Variants in KAZN observed in about 807,000 individuals in gnomAD.
KAZN encodes kazrin, periplakin interacting protein.
A neutral mutation model predicts 87.4 loss-of-function variants in KAZN; 40 were observed. The ratio of observed to expected loss-of-function variants is 0.46; its 90% CI spans 0.36 to 0.60. The LOEUF is 0.60. Among genes scored for constraint, KAZN ranks in the 20% least tolerant of loss-of-function variants. The pLI, the probability that KAZN is intolerant of heterozygous loss-of-function variation, is 0.00. For missense variants in KAZN, 898 were observed against 1,073.9 expected, an observed-to-expected ratio of 0.84 and a Z score of 2.29; for synonymous variants, 466 against 458.3, an observed-to-expected ratio of 1.02 and a Z score of -0.22.
At chr1:14,635,077 C>T (rs913567931) in intron 1 of KAZN, among the ~76,000 whole-genome samples, 26 of 152,148 alleles carry the variant, frequency 1.7e-4, no homozygotes, top group African/African-American at 6.3e-4. Context: ...GCAGGAAGGG[C>T]ATCAGGGGGT....
intron 1 of KAZN, among the ~76,000 whole-genome samples, chr1:13,977,994 G>A (rs1054255533): frequency 6.6e-6 from 1 of 152,048 alleles, no homozygotes; most frequent in Non-Finnish European, 1.5e-5. Flanking sequence ...CAGGCCTGGC[G>A]GTGTGCGCCT....
At chr1:14,100,869 CT>C (rs1644234460) in intron 1 of KAZN, among the ~76,000 whole-genome samples, 1 of 152,116 alleles carries the variant, frequency 6.6e-6, no homozygotes, top group African/African-American at 2.4e-5. Flanking sequence ...TGGGATGGGT[CT>C]TTCCCGTGCT....
intron 1 of KAZN, among the ~76,000 whole-genome samples, chr1:14,892,708 G>C (rs1654845049): frequency 6.6e-6 from 1 of 152,198 alleles, no homozygotes; most frequent in Non-Finnish European, 1.5e-5. Flanking sequence ...AGGGGTGTGT[G>C]TTCATGTCCT....
chr1:14,679,463 T>G (rs1640437647), intron 1 of KAZN, among the ~76,000 whole-genome samples: 1 of 152,056 alleles, frequency 6.6e-6, no homozygotes, highest in South Asian at 2.1e-4. Context: ...GACAGTTTGA[T>G]AAAGGCAGTG....
At chr1:14,450,295 CAG>C (rs1382148388) in intron 2 of KAZN, among the ~76,000 whole-genome samples, 2 of 152,170 alleles carry the variant, frequency 1.3e-5, no homozygotes, top group East Asian at 3.9e-4. Flanking sequence ...CTGATATAAA[CAG>C]AGCTGCTGTG....
At chr1:14,673,242 CT>C (rs1450651584) in intron 1 of KAZN, among the ~76,000 whole-genome samples, 1 of 152,228 alleles carries the variant, frequency 6.6e-6, no homozygotes, top group African/African-American at 2.4e-5. Context: ...ACCAGCCCCC[CT>C]CTTCCAGTCC....
At chr1:14,555,264 A>T (rs1158570779) in intron 2 of KAZN, among the ~76,000 whole-genome samples, 3 of 152,236 alleles carry the variant, frequency 2.0e-5, no homozygotes, top group African/African-American at 7.2e-5. Flanking sequence ...CTTGATGCCT[A>T]CAGATTTTAG....
In KAZN at chr1:15,104,192, G is replaced by A; in HGVS notation, c.2048+3G>A. ...AGCGCCGTCTTCCACCCAGCCAAGT[G>A]AGCACGGGCTGGGATCCAGTCATGT... On this transcript the variant is annotated splice_donor_region_variant and intron_variant, in intron 13 of 14. Transcript: ENST00000376030. The A allele has an allele frequency of 6.4e-7, 1 of 1,571,758 alleles. No homozygotes were observed. The highest frequency in any genetic ancestry group is 8.6e-7 in the Non-Finnish European group (1 of 1,158,866).
intron 2 of KAZN, among the ~76,000 whole-genome samples, chr1:14,457,825 T>G (rs542347346): frequency 0.039 from 5,292 of 136,648 alleles, 364 homozygotes; most frequent in African/African-American, 0.15. Flanking sequence ...TTTTGTTTTG[T>G]TTTTTTTTTT....
At chr1:15,012,817 G>A (rs1669709732) in intron 2 of KAZN, among the ~76,000 whole-genome samples, 1 of 152,266 alleles carries the variant, frequency 6.6e-6, no homozygotes, top group South Asian at 2.1e-4. Context: ...AGCTACTCAG[G>A]AGGCAGAGGT....
chr1:14,190,767 T>C (rs572546796), intron 2 of KAZN, among the ~76,000 whole-genome samples: 44 of 152,228 alleles, frequency 2.9e-4, no homozygotes, highest in African/African-American at 1.1e-3. Context: ...ACTAGCCAGC[T>C]CCCAGCAAAC....
Position 14,652,626 on chromosome 1 carries a change from C to T in KAZN, c.226+53403C>T, listed in dbSNP as rs1022300327. The stretch of plus-strand genomic sequence containing the variant: ...CCACTCATGCACCCACTCATCCACC[C>T]ATCCACCCACCCATCCATCCACCCA... On this transcript the variant is annotated intron_variant, in intron 1 of 14. Transcript: ENST00000376030. Among the ~76,000 whole-genome samples the T allele has an allele frequency of 2.2e-5, 3 of 138,038 alleles. No individual in the cohort carries two copies. The South Asian group carries it at 7.4e-4, about 34-fold the overall frequency. The allele number at this position is 138,038 out of a possible 152,430, so 90.6% of individuals were successfully genotyped here.
intron 2 of KAZN, among the ~76,000 whole-genome samples, chr1:14,509,784 C>T (rs768010826): frequency 6.6e-6 from 1 of 152,064 alleles, no homozygotes; most frequent in Non-Finnish European, 1.5e-5. Flanking sequence ...GAAAACAAAA[C>T]AGAGTGATGC....
intron 2 of KAZN, among the ~76,000 whole-genome samples, chr1:14,272,505 T>C (rs1652027193): frequency 6.6e-6 from 1 of 152,228 alleles, no homozygotes; most frequent in Admixed American, 6.5e-5. Flanking sequence ...ATGTTTTGCA[T>C]GCATGTTAGT....
chr1:14,491,270 C>T (rs1021416156), intron 2 of KAZN, among the ~76,000 whole-genome samples: 33 of 152,140 alleles, frequency 2.2e-4, no homozygotes, highest in Admixed American at 5.9e-4. Context: ...CTTTATTAAA[C>T]CTCATGAACT....
chr1:14,981,700 C>T (rs1666267188), intron 2 of KAZN, among the ~76,000 whole-genome samples: 1 of 152,234 alleles, frequency 6.6e-6, no homozygotes, highest in East Asian at 1.9e-4. Context: ...ACCTATCAGG[C>T]ACTTTTGGGC....
chr1:14,169,385 G>T (rs1361805353), intron 1 of KAZN, among the ~76,000 whole-genome samples: 1 of 152,010 alleles, frequency 6.6e-6, no homozygotes, highest in Non-Finnish European at 1.5e-5. Context: ...ATTAGAATGT[G>T]GCTGTCCATT....
chr1:15,046,563 A>G (rs1673565247), intron 4 of KAZN, among the ~76,000 whole-genome samples: 1 of 152,224 alleles, frequency 6.6e-6, no homozygotes, highest in African/African-American at 2.4e-5. Flanking sequence ...GAGGATTTCC[A>G]AGAAATAAAG....
At chr1:14,757,480 A>G (rs1041657022) in intron 1 of KAZN, among the ~76,000 whole-genome samples, 7 of 152,182 alleles carry the variant, frequency 4.6e-5, no homozygotes, top group African/African-American at 1.4e-4. Context: ...GATTTAGTCA[A>G]CCCTTCTGAG....
Sources: allele counts gnomAD v4.1 joint callset (sites outside exome capture counted in the v4.1 genomes callset), GRCh38; gene constraint gnomAD v4.1.1; transcripts MANE v1.5; gene names NCBI Gene and HGNC (gene_info 2026-07-23, HGNC 2026-07-21).